The following HIP1R variants were observed in gnomAD, a reference collection of about 807,000 sequenced individuals.
HIP1R encodes huntingtin interacting protein 1 related, also known as huntingtin-interacting protein 1-related protein.
Under a neutral mutation model 144.2 loss-of-function variants are expected in HIP1R, and 135 were observed. That is an observed-to-expected ratio of 0.94 (90% CI 0.81 to 1.08). The LOEUF (loss-of-function observed/expected upper bound fraction) is 1.08. Ranked by LOEUF, HIP1R falls within the 50% of genes least tolerant of loss-of-function variation. The probability of loss-of-function intolerance (pLI) is 0.00; values close to 1 mark genes in which losing one functional copy is unlikely to be tolerated. For synonymous variants in HIP1R, 698 were observed against 612.8 expected (o/e 1.14, Z -2.05); for missense variants, 1,462 against 1,432.8 (o/e 1.02, Z -0.33).
Position 122,850,266 on chromosome 12 carries a change from C to T in HIP1R, c.438+311C>T, listed in dbSNP as rs1158251565. The T allele has an allele frequency of 1.5e-5, 8 of 547,356 alleles. No homozygotes were observed. The Middle Eastern group carries it at 1.1e-3, about 76-fold the overall frequency. 33.9% of individuals were successfully genotyped at this position (547,356 alleles called of 1,614,324 possible). On this transcript the variant is annotated intron_variant, in intron 5 of 31. Coordinates refer to ENST00000253083, the MANE Select transcript of HIP1R (RefSeq NM_003959.3). ...TCCCCTCCTCCCAACCCCTCCACTG[C>T]CCTCTGCCACCTATGTGGGCCACAG...
chr12:122,842,036 G>A (rs531449745), intron 1 of HIP1R, among the ~76,000 whole-genome samples: 2 of 152,150 alleles, frequency 1.3e-5, no homozygotes, highest in South Asian at 2.1e-4. Context: ...CCAGCTGTCC[G>A]CCTCGCTGCT....
At chr12:122,841,643 A>G (rs2033063398) in intron 1 of HIP1R, among the ~76,000 whole-genome samples, 1 of 152,154 alleles carries the variant, frequency 6.6e-6, no homozygotes, top group African/African-American at 2.4e-5. Context: ...CAGTAGGTTC[A>G]TCTGCTTGGA....
At chr12:122,846,408 C>A (rs1000064558) in intron 1 of HIP1R, among the ~76,000 whole-genome samples, 1 of 152,194 alleles carries the variant, frequency 6.6e-6, no homozygotes, top group Non-Finnish European at 1.5e-5. Context: ...GTTGCCCATG[C>A]CTGGCTGGGG....
At chr12:122,834,819 C>G (rs1038416602), upstream of HIP1R, 1 of 583,932 alleles carries the variant, frequency 1.7e-6, no homozygotes, top group Admixed American at 2.8e-5. Flanking sequence ...CCTGCATCCC[C>G]GCATGGATAA....
intron 30 of HIP1R, 31 bp downstream of exon 30, chr12:122,861,223 G>A (rs757443933): frequency 2.8e-5 from 45 of 1,612,740 alleles, no homozygotes; most frequent in Non-Finnish European, 3.6e-5. Flanking sequence ...CGTGACCTCT[G>A]AGCTCATCCC....
In HIP1R at chr12:122,859,420, C is replaced by T. The variant is rs2033696816; in HGVS notation, c.2296-6C>T. The T allele has an allele frequency of 1.2e-6, 2 of 1,611,072 alleles. No homozygotes were observed. The highest frequency in any genetic ancestry group is 1.7e-5 in the Admixed American group (1 of 59,980). On this transcript the variant is annotated splice_region_variant and splice_polypyrimidine_tract_variant and intron_variant, in intron 22 of 31. Coordinates refer to ENST00000253083, the MANE Select transcript of HIP1R (RefSeq NM_003959.3). ...GCTACCCCTGTCTGACTCCCATCCT[C>T]ACCAGGAACTGAAACCCAAGAGCCT...
At chr12:122,844,862 T>G (rs1022476996) in intron 1 of HIP1R, among the ~76,000 whole-genome samples, 2 of 152,146 alleles carry the variant, frequency 1.3e-5, no homozygotes, top group Non-Finnish European at 2.9e-5. Flanking sequence ...GCTGCTGGGG[T>G]TGTTCTGCCC....
chr12:122,855,572 C>G lies in HIP1R; in HGVS notation c.1015C>G (p.Gln339Glu). The G allele has an allele frequency of 6.5e-7, 1 of 1,549,608 alleles. No individual in the cohort carries two copies. Among genetic ancestry groups the G allele is most frequent in the South Asian group, 1.2e-5 (1 of 83,988 alleles). ...GCAGGTGGTGGCTGACCTCTTCGAT[C>G]AGACGTTTGGACCCCCCAATGGGTC... is the stretch of plus-strand genomic sequence containing the variant. ...EPVVVADLFD[Q>E]TFGPPNGSVK... The change falls in exon 12 of 32, where the codon CAG becomes GAG. Residue 339 changes from glutamine (Q) to glutamate (E), a missense_variant. Gln to Glu is a conservative substitution (Grantham distance 29). Around this residue, in one of 2 missense-constraint regions of HIP1R, gnomAD observed 1,112 missense variants for 1,011.7 expected, o/e 1.10. Coordinates refer to ENST00000253083, the MANE Select transcript of HIP1R (RefSeq NM_003959.3).
rs538203821 is a variant in HIP1R at position 122,856,947 on chromosome 12, T to A, written c.1621-74T>A. On this transcript the variant is annotated intron_variant, in intron 17 of 31. Transcript: ENST00000253083. ...TGATCACTAACCCCCAGGGCCCAGTTTATAAGCGTGGGGGCAGGGTGGGTG... is the reference window on the plus strand; with the variant it reads ...TGATCACTAACCCCCAGGGCCCAGTATATAAGCGTGGGGGCAGGGTGGGTG... The A allele has an allele frequency of 7.5e-4, 1,065 of 1,426,524 alleles. 1 individual carries two copies. Among genetic ancestry groups the A allele is most frequent in the Non-Finnish European group, 1.0e-3 (1,035 of 1,039,510 alleles). The allele number at this position is 1,426,524 out of a possible 1,614,324, so 88.4% of individuals were successfully genotyped here.
chr12:122,840,001 G>T lies in HIP1R; in HGVS notation c.93+4358G>T, dbSNP rs142704707. Among the ~76,000 whole-genome samples the T allele has an allele frequency of 6.6e-6, 1 of 152,360 alleles. No homozygotes were observed. The highest frequency in any genetic ancestry group is 2.4e-5 in the African/African-American group (1 of 41,576). ...ATAGGAGTGATTTGCCCGCAGCATG[G>T]CATGGGCGTTGAGCTCGTTGTTCCT... On this transcript the variant is annotated intron_variant, in intron 1 of 31. Coordinates refer to ENST00000253083, the MANE Select transcript of HIP1R (RefSeq NM_003959.3). This position sits in a 1 kb window ranked among gnomAD's most constrained non-coding sequence, Gnocchi z 4.2.
chr12:122,858,761 CTGGCCACCGACGG>C (rs752587591), intron 20 of HIP1R, 64 bp from the exon 21 acceptor site: 1 of 1,022,596 alleles, frequency 9.8e-7, no homozygotes, highest in Non-Finnish European at 1.5e-6. Context: ...CCTGGGATAG[CTGGCCACCGACGG>C]TGGTCCCAGT....
intron 6 of HIP1R, 70 bp from the exon 7 acceptor site, chr12:122,851,164 AGG>A: frequency 7.5e-7 from 1 of 1,329,342 alleles, no homozygotes; most frequent in Non-Finnish European, 1.0e-6. Context: ...TCCCCACTGG[AGG>A]GGGCGTCTCA....
Position 122,858,446 on chromosome 12 carries a change from C to G in HIP1R, c.2050+11C>G. The G allele has an allele frequency of 6.3e-7, 1 of 1,592,558 alleles. No homozygotes were observed. Among genetic ancestry groups the G allele is most frequent in the East Asian group, 2.2e-5 (1 of 44,584 alleles). ...TGACCTCCTTGGCAGGTGAGTGTAG[C>G]CAGGGCAGGGCGGAGGCGGGGGCTG... On this transcript the variant is annotated intron_variant, in intron 20 of 31. Transcript: ENST00000253083.
chr12:122,855,586 C>T lies in HIP1R; in HGVS notation c.1029C>T (p.Pro343=). The part of the protein sequence containing the change: ...VADLFDQTFG[P]PNGSVKDDRD... ...ACCTCTTCGATCAGACGTTTGGACC[C>T]CCCAATGGGTCTGTGAAGGACGACA... Residue 343 remains proline, a synonymous_variant, in exon 12 of 32, where the codon CCC becomes CCT. Transcript: ENST00000253083. 1 of 1,549,716 alleles carries T rather than the reference C, an allele frequency of 6.5e-7. No homozygotes were observed. Among genetic ancestry groups the T allele is most frequent in the South Asian group, 1.2e-5 (1 of 83,986 alleles).
At position 122,856,349 on chromosome 12, in the gene HIP1R, G is replaced by A. The variant is rs766418703; in HGVS notation, c.1401+5G>A. The A allele has an allele frequency of 3.7e-6, 6 of 1,613,724 alleles. No homozygotes were observed. The highest frequency in any genetic ancestry group is 5.1e-6 in the Non-Finnish European group (6 of 1,179,952). ...CACGCGGAGCTGCTCAGAAAGGTAG[G>A]TGCAGCCCATCCTCCATCCCAGCCG... On this transcript the variant is annotated splice_donor_5th_base_variant and intron_variant, in intron 15 of 31. Coordinates refer to ENST00000253083, the MANE Select transcript of HIP1R (RefSeq NM_003959.3).
rs1462232313 is a variant in HIP1R, at chr12:122,856,414, C to G, written c.1402-18C>G. On this transcript the variant is annotated intron_variant, in intron 15 of 31. Transcript: ENST00000253083. Reference sequence around the variant, plus strand: ...CGGGGATGGCAGCAGAGCATGAGCCCTTCCCCTGCCCATGCAGAACGCGGA... The same window carrying G: ...CGGGGATGGCAGCAGAGCATGAGCCGTTCCCCTGCCCATGCAGAACGCGGA... 3.1e-6 allele frequency: 5 copies of G among 1,602,290 alleles called. No homozygotes were observed. The highest frequency in any genetic ancestry group is 4.3e-6 in the Non-Finnish European group (5 of 1,174,402).
rs542797826 is a variant in HIP1R, at chr12:122,859,454, G to A, written c.2324G>A (p.Arg775Gln). 17 of 1,613,496 alleles carry A rather than the reference G, an allele frequency of 1.1e-5. No individual in the cohort carries two copies. The highest frequency in any genetic ancestry group is 2.7e-5 in the African/African-American group (2 of 75,054). Residue 775 changes from arginine (R) to glutamine (Q), a missense_variant, in exon 23 of 32, where the codon CGG becomes CAG. Arg to Gln is a conservative substitution (Grantham distance 43). Transcript: ENST00000253083. ...QELKPKSLDV[R>Q]QEELGAVVDK... is the part of the protein sequence containing the mutation. Reference sequence around the variant, plus strand: ...CTGAAACCCAAGAGCCTAGATGTGCGGCAGGAGGAGCTGGGGGCCGTGGTC... The same window carrying A: ...CTGAAACCCAAGAGCCTAGATGTGCAGCAGGAGGAGCTGGGGGCCGTGGTC...
Position 122,859,835 on chromosome 12 carries a change from G to T in HIP1R, c.2465+5G>T. On this transcript the variant is annotated splice_donor_5th_base_variant and intron_variant, in intron 24 of 31. Transcript: ENST00000253083. ...GAAGCTGGAGGTGAACGAGAGGTGAGCCCCCCTTCTGTCCCCCCAGGCCCA... is the reference window on the plus strand; with the variant it reads ...GAAGCTGGAGGTGAACGAGAGGTGATCCCCCCTTCTGTCCCCCCAGGCCCA... 1 of 1,611,898 alleles carries T rather than the reference G, an allele frequency of 6.2e-7. No homozygotes were observed. The highest frequency in any genetic ancestry group is 8.5e-7 in the Non-Finnish European group (1 of 1,179,298).
chr12:122,852,549 G>A (rs899358443), intron 7 of HIP1R, among the ~76,000 whole-genome samples: 8 of 152,196 alleles, frequency 5.3e-5, no homozygotes, highest in African/African-American at 1.9e-4. Flanking sequence ...GGTGACGCTG[G>A]TGTGTTGATG....
Sources: allele counts gnomAD v4.1 joint callset (sites outside exome capture counted in the v4.1 genomes callset), GRCh38; gene constraint gnomAD v4.1.1; regional missense constraint gnomAD v4.1.1; non-coding constraint Gnocchi (gnomAD v3.1); transcripts MANE v1.5; gene names NCBI Gene and HGNC (gene_info 2026-07-23, HGNC 2026-07-21).